Variants in ZFHX4 observed in about 807,000 individuals in gnomAD.
The protein encoded by ZFHX4 is zinc finger homeobox 4, also known as zinc finger homeobox protein 4.
Under a neutral mutation model 267.6 loss-of-function variants are expected in ZFHX4, and 56 were observed. That is an observed-to-expected ratio of 0.21 (90% CI 0.17 to 0.26). The LOEUF (loss-of-function observed/expected upper bound fraction) is 0.26. Ranked by LOEUF, ZFHX4 falls within the 10% of genes least tolerant of loss-of-function variation. The pLI, the probability that ZFHX4 is intolerant of heterozygous loss-of-function variation, is 1.00. For synonymous variants in ZFHX4, 1,778 were observed against 1,665.6 expected, an observed-to-expected ratio of 1.07 and a Z score of -1.64; for missense variants, 4,332 against 4,420.0, an observed-to-expected ratio of 0.98 and a Z score of 0.56.
At chr8:76,798,385 T>G (rs1333709592) in intron 4 of ZFHX4, among the ~76,000 whole-genome samples, 2 of 152,174 alleles carry the variant, frequency 1.3e-5, no homozygotes, top group Non-Finnish European at 2.9e-5. Context: ...AATTAAAAAC[T>G]CTGGTATTCG....
rs755676485 is a variant in ZFHX4, at chr8:76,853,906, A to G, written c.6985A>G (p.Thr2329Ala). 1.9e-6 allele frequency: 3 copies of G among 1,613,986 alleles called. No homozygotes were observed. Residue 2329 changes from threonine to alanine, a missense_variant, in exon 10 of 11, where the codon ACG (threonine) becomes GCG (alanine). Thr to Ala is a moderately conservative substitution (Grantham distance 58, BLOSUM62 0). Coordinates refer to ENST00000651372, the MANE Select transcript of ZFHX4 (RefSeq NM_024721.5). ...TTTCCCCAGGATCTTTGACTTGATT[A>G]CGCATCAGAAAAAGCAGTGTTACAA... ...VVFPRIFDLI[T>A]HQKKQCYKDE...
rs529188399 is a variant in ZFHX4, at chr8:76,711,719, C to T, written c.3093+3671C>T. Among the ~76,000 whole-genome samples the T allele has an allele frequency of 2.0e-5, 3 of 152,238 alleles. No homozygotes were observed. In the East Asian group the frequency reaches 5.8e-4, roughly 29 times the overall value. On this transcript the variant is annotated intron_variant, in intron 3 of 10. Coordinates refer to ENST00000651372, the MANE Select transcript of ZFHX4 (RefSeq NM_024721.5). ...AAAATGCACTGTAATTTTGTCTACC[C>T]CTTAAATGATCTCCAACTTCTTCTA...
chr8:76,828,841 A>T (rs1811855056), intron 4 of ZFHX4, among the ~76,000 whole-genome samples: 1 of 152,198 alleles, frequency 6.6e-6, no homozygotes, highest in Non-Finnish European at 1.5e-5. Context: ...AATACAGAAA[A>T]TGTTTTTCTT....
chr8:76,777,536 G>T (rs1445101989), intron 3 of ZFHX4, among the ~76,000 whole-genome samples: 1 of 152,150 alleles, frequency 6.6e-6, no homozygotes, highest in Admixed American at 6.6e-5. Context: ...GAAAATGTAA[G>T]TTTATTCCAT....
chr8:76,863,500 C>T lies in ZFHX4; in HGVS notation c.9786C>T (p.Phe3262=). 6.2e-7 allele frequency: 1 copy of T among 1,613,654 alleles called. No homozygotes were observed. The highest frequency in any genetic ancestry group is 8.5e-7 in the Non-Finnish European group (1 of 1,179,754). The change falls in exon 11 of 11, where the codon TTC becomes TTT. Residue 3262 remains phenylalanine (F), a synonymous_variant. Coordinates refer to ENST00000651372, the MANE Select transcript of ZFHX4 (RefSeq NM_024721.5). ...GDPASFIGGQ[F]LPYFIPGFAS... Reference sequence around the variant, plus strand: ...CAGCTTCCTTTATAGGCGGACAGTTCTTGCCATACTTTATCCCTGGGTTTG... The same window carrying T: ...CAGCTTCCTTTATAGGCGGACAGTTTTTGCCATACTTTATCCCTGGGTTTG...
chr8:76,753,755 G>C (rs148681226), intron 3 of ZFHX4, among the ~76,000 whole-genome samples: 241 of 150,336 alleles, frequency 1.6e-3, no homozygotes, highest in Non-Finnish European at 3.1e-3. Context: ...CTCCTGAGTA[G>C]CTAGGACTAG....
intron 10 of ZFHX4, 159 bp downstream of exon 10, chr8:76,856,459 C>A: frequency 1.1e-6 from 1 of 881,318 alleles, no homozygotes; most frequent in Non-Finnish European, 1.8e-6. Flanking sequence ...TAGCTAATTA[C>A]CAGGAAGTAG....
chr8:76,713,270 G>GAGATAGATAGAA (rs1468842222), intron 3 of ZFHX4, among the ~76,000 whole-genome samples: 1 of 130,778 alleles, frequency 7.6e-6, no homozygotes, highest in Non-Finnish European at 1.6e-5. Context: ...AAAGGATAGA[G>GAGATAGATAGAA]AGATAGATAG....
At chr8:76,849,416 A>ACCAAAATATCACACGTACCC in intron 7 of ZFHX4, 96 bp from the exon 8 acceptor site, 1 of 1,149,170 alleles carries the variant, frequency 8.7e-7, no homozygotes, top group Non-Finnish European at 1.3e-6. Context: ...GTAAGCATGT[A>ACCAAAATATCACACGTACCC]CCAAAATATC....
chr8:76,716,540 C>T (rs1385883098), intron 3 of ZFHX4, among the ~76,000 whole-genome samples: 1 of 152,052 alleles, frequency 6.6e-6, no homozygotes, highest in Non-Finnish European at 1.5e-5. Flanking sequence ...AGCTTATGCC[C>T]CTAGCCCACA....
rs147274330 is a variant in ZFHX4 at position 76,681,897 on chromosome 8, T to C, written c.-47+277T>C. On this transcript the variant is annotated intron_variant, in intron 1 of 10. Coordinates refer to ENST00000651372, the MANE Select transcript of ZFHX4 (RefSeq NM_024721.5). ...CTCCGCTGAGGGAGGGAGGGGGCAC[T>C]GAGGGACCTGATTTTCCACTTTCTT... 9.1e-3 allele frequency among the ~76,000 whole-genome samples: 1,379 copies of C among 152,282 alleles called. 19 individuals are homozygous for C. Among genetic ancestry groups the C allele is most frequent in the African/African-American group, 0.031 (1,292 of 41,558 alleles).
chr8:76,695,282 T>C (rs1296883150), intron 1 of ZFHX4, among the ~76,000 whole-genome samples: 3 of 152,190 alleles, frequency 2.0e-5, no homozygotes, highest in Non-Finnish European at 4.4e-5. Context: ...TAGGTTTGAA[T>C]GGTGTCAAGG....
intron 6 of ZFHX4, among the ~76,000 whole-genome samples, chr8:76,848,741 A>C (rs1227214149): frequency 3.3e-5 from 5 of 152,290 alleles, no homozygotes; most frequent in African/African-American, 1.2e-4. Flanking sequence ...GTTATTGATG[A>C]ATCTTTCCAG....
rs1170351377 is a variant in ZFHX4, at chr8:76,707,777, A to G, written c.2822A>G (p.Asp941Gly). ...PEEEWRAVIGDIYQCKLCNYN... is the reference protein window; with the variant it reads ...PEEEWRAVIGGIYQCKLCNYN... The stretch of plus-strand genomic sequence containing the variant: ...GAGGAATGGAGGGCAGTAATTGGAG[A>G]TATCTACCAGTGCAAGCTCTGCAAC... The change falls in exon 3 of 11, where the codon GAT becomes GGT. Residue 941 changes from aspartate to glycine, a missense_variant. Asp to Gly is a moderately conservative substitution (Grantham distance 94, BLOSUM62 -1). Transcript: ENST00000651372. The G allele has an allele frequency of 6.2e-7, 1 of 1,614,036 alleles. No individual in the cohort carries two copies. The highest frequency in any genetic ancestry group is 1.7e-5 in the Admixed American group (1 of 60,002).
chr8:76,742,813 C>T lies in ZFHX4; in HGVS notation c.3093+34765C>T, dbSNP rs143535293. ...GGCCATCAATAGTATATTCCTAAAT[C>T]GGAACTGGCAGTGACCAAAAGGCCC... is the stretch of plus-strand genomic sequence containing the variant. On this transcript the variant is annotated intron_variant, in intron 3 of 10. Transcript: ENST00000651372. 1.7e-3 allele frequency among the ~76,000 whole-genome samples: 265 copies of T among 152,278 alleles called. 6 individuals carry two copies. In the East Asian group the frequency reaches 0.045, roughly 26 times the overall value.
At chr8:76,844,086 C>T (rs906006921) in intron 6 of ZFHX4, among the ~76,000 whole-genome samples, 7 of 152,080 alleles carry the variant, frequency 4.6e-5, no homozygotes, top group African/African-American at 1.7e-4. Flanking sequence ...AGTAAGCTGG[C>T]TCCTGAAGTT....
intron 4 of ZFHX4, among the ~76,000 whole-genome samples, chr8:76,814,851 A>T (rs919338055): frequency 2.6e-5 from 4 of 152,102 alleles, no homozygotes; most frequent in African/African-American, 9.7e-5. Context: ...CTCTAAATTA[A>T]ACTGACTGTA....
At chr8:76,734,470 A>T (rs1357833864) in intron 3 of ZFHX4, among the ~76,000 whole-genome samples, 2 of 152,260 alleles carry the variant, frequency 1.3e-5, no homozygotes, top group East Asian at 3.9e-4. Context: ...CTTTAGCGTA[A>T]TTTGCACTGA....
In ZFHX4 at chr8:76,700,556, G is replaced by A. The variant is rs193169525; in HGVS notation, c.-46-3487G>A. 2.3e-3 allele frequency among the ~76,000 whole-genome samples: 347 copies of A among 152,270 alleles called. 1 individual carries two copies. The highest frequency in any genetic ancestry group is 7.9e-3 in the African/African-American group (328 of 41,562). On this transcript the variant is annotated intron_variant, in intron 1 of 10. Coordinates refer to ENST00000651372, the MANE Select transcript of ZFHX4 (RefSeq NM_024721.5). ...AGTCAGGCTCCTTGTAGGTGGGTTT[G>A]GTCATTTAGCAGAGCAGAGTTTAGG...
Sources: allele counts gnomAD v4.1 joint callset (sites outside exome capture counted in the v4.1 genomes callset), GRCh38; gene constraint gnomAD v4.1.1; transcripts MANE v1.5; gene names NCBI Gene and HGNC (gene_info 2026-07-23, HGNC 2026-07-21).